MTUS2: variants seen among roughly 807,000 people sequenced by gnomAD.
The protein encoded by MTUS2 is microtubule-associated tumor suppressor candidate 2.
MTUS2 carries 40 observed loss-of-function variants against 114.1 expected under a neutral mutation model. That is an observed-to-expected ratio of 0.35 (90% CI 0.27 to 0.46). MTUS2 has a LOEUF of 0.46. MTUS2 is among the 20% of genes least tolerant of loss of function. The pLI is 1.00. For synonymous variants in MTUS2, 688 were observed against 672.0 expected, an observed-to-expected ratio of 1.02 and a Z score of -0.37; for missense variants, 1,679 against 1,705.4, an observed-to-expected ratio of 0.98 and a Z score of 0.27.
intron 8 of MTUS2, among the ~76,000 whole-genome samples, chr13:29,393,512 A>T (rs1315311344): frequency 1.3e-5 from 2 of 152,208 alleles, no homozygotes; most frequent in Non-Finnish European, 1.5e-5. Context: ...CCCCAGCAAG[A>T]TGCTGAGTCC....
At position 29,492,659 on chromosome 13, in the gene MTUS2, TC is replaced by T; in HGVS notation, c.3520del (p.His1174MetfsTer26). On this transcript the variant is annotated frameshift_variant, in exon 12 of 16. Transcript: ENST00000612955. LOFTEE classifies it high-confidence loss of function. Reference protein sequence around the residue: ...DHKVQELMSTHELEKKELEEN... With the variant: ...DHKVQELMSTXELEKKELEEN... The stretch of plus-strand genomic sequence containing the variant: ...TCTTCTTTCCAGAATTGATGTCCAC[TC>T]ATGAGCTTGAAAAGAAAGAATTGGA... The T allele has an allele frequency of 6.2e-7, 1 of 1,613,520 alleles. No homozygotes were observed. The highest frequency in any genetic ancestry group is 8.5e-7 in the Non-Finnish European group (1 of 1,179,490).
At chr13:29,392,598 G>A (rs1343006350) in intron 8 of MTUS2, among the ~76,000 whole-genome samples, 3 of 152,206 alleles carry the variant, frequency 2.0e-5, no homozygotes, top group African/African-American at 7.2e-5. Context: ...ACTTTCTGGT[G>A]TATATTTATA....
chr13:29,124,033 T>G (rs191357740), intron 5 of MTUS2, among the ~76,000 whole-genome samples: 6 of 152,360 alleles, frequency 3.9e-5, no homozygotes, highest in Admixed American at 2.0e-4. Flanking sequence ...ATTCTCTCCC[T>G]TGTTAATAAG....
intron 5 of MTUS2, among the ~76,000 whole-genome samples, chr13:29,168,917 T>TGTGTGTGTGTGTGTGTGTGTGTGA (rs1200390555): frequency 6.6e-6 from 1 of 151,810 alleles, no homozygotes; most frequent in South Asian, 2.1e-4. Context: ...TGTGTGTGTG[T>TGTGTGTGTGTGTGTGTGTGTGTGA]GAAGAATATG....
chr13:29,040,195 A>G (rs1478830338), intron 4 of MTUS2, among the ~76,000 whole-genome samples: 7 of 152,158 alleles, frequency 4.6e-5, no homozygotes, highest in Non-Finnish European at 1.0e-4. Flanking sequence ...CTTAGCTCCC[A>G]CTTATGCGTG....
intron 8 of MTUS2, among the ~76,000 whole-genome samples, chr13:29,405,833 C>T (rs943664836): frequency 1.3e-5 from 2 of 151,644 alleles, no homozygotes; most frequent in Non-Finnish European, 2.9e-5. Context: ...CTCCGCCTCC[C>T]GGGTTTAAGC....
intron 2 of MTUS2, among the ~76,000 whole-genome samples, chr13:28,868,488 T>C (rs182055316): frequency 1.3e-5 from 2 of 152,278 alleles, no homozygotes; most frequent in Admixed American, 1.3e-4. Context: ...TGTGTCTGTT[T>C]ATGGTGCTCC....
intron 4 of MTUS2, among the ~76,000 whole-genome samples, chr13:29,092,182 C>T (rs996033588): frequency 2.6e-5 from 4 of 152,224 alleles, no homozygotes; most frequent in African/African-American, 9.6e-5. Flanking sequence ...ACAAGTCAAA[C>T]CCATGGAATG....
chr13:29,457,014 A>G (rs34444237), intron 9 of MTUS2, among the ~76,000 whole-genome samples: 1,567 of 151,758 alleles, frequency 0.01, 17 homozygotes, highest in African/African-American at 0.03. Context: ...GCATGGTGGC[A>G]GGCACCTGTA....
intron 7 of MTUS2, among the ~76,000 whole-genome samples, chr13:29,325,719 G>A (rs147943803): frequency 4.6e-5 from 7 of 152,300 alleles, no homozygotes; most frequent in African/African-American, 1.7e-4. Flanking sequence ...AGCTCTAACT[G>A]CATGCCAGGT....
chr13:28,984,840 A>G (rs1884508713), intron 2 of MTUS2, among the ~76,000 whole-genome samples: 1 of 152,234 alleles, frequency 6.6e-6, no homozygotes, highest in South Asian at 2.1e-4. Context: ...GGGCATTCAC[A>G]CTAAATGAGA....
chr13:29,017,363 C>CT (rs1408971837), intron 2 of MTUS2, among the ~76,000 whole-genome samples: 2 of 152,154 alleles, frequency 1.3e-5, no homozygotes, highest in Non-Finnish European at 2.9e-5. Flanking sequence ...GTCAGATGAA[C>CT]TTGCATTTAC....
At chr13:28,996,422 T>C (rs1438081925) in intron 2 of MTUS2, among the ~76,000 whole-genome samples, 1 of 152,202 alleles carries the variant, frequency 6.6e-6, no homozygotes, top group Admixed American at 6.5e-5. Context: ...TAAAATGAGT[T>C]AGGGAGGATT....
At chr13:28,936,304 T>A (rs755273522) in intron 2 of MTUS2, among the ~76,000 whole-genome samples, 1 of 152,216 alleles carries the variant, frequency 6.6e-6, no homozygotes, top group Non-Finnish European at 1.5e-5. Context: ...ATAAGTTTTC[T>A]TCCTTTTACA....
intron 4 of MTUS2, among the ~76,000 whole-genome samples, chr13:29,087,531 A>G (rs1367348304): frequency 2.0e-5 from 3 of 152,220 alleles, no homozygotes; most frequent in East Asian, 3.9e-4. Flanking sequence ...TTTTGCATCT[A>G]TGTTCATCAG....
At chr13:28,825,891 C>T (rs1874236917) in intron 1 of MTUS2, among the ~76,000 whole-genome samples, 1 of 152,086 alleles carries the variant, frequency 6.6e-6, no homozygotes, top group Non-Finnish European at 1.5e-5. Context: ...GGGGAGGTGG[C>T]ATTTATAGGA....
chr13:29,295,742 C>T (rs930872387), intron 6 of MTUS2, among the ~76,000 whole-genome samples: 1 of 152,194 alleles, frequency 6.6e-6, no homozygotes, highest in Non-Finnish European at 1.5e-5. Flanking sequence ...CAACAGTTCC[C>T]CATGGCTGGG....
chr13:29,039,353 A>G (rs1238796167), intron 4 of MTUS2, among the ~76,000 whole-genome samples: 1 of 152,208 alleles, frequency 6.6e-6, no homozygotes, highest in East Asian at 1.9e-4. Context: ...CTTGGTGACC[A>G]TTGGAATCAG....
rs1489411735 is a variant in MTUS2 at position 28,827,666 on chromosome 13, A to G, written c.-316+7055A>G. Among the ~76,000 whole-genome samples the G allele has an allele frequency of 3.3e-5, 5 of 152,310 alleles. No homozygotes were observed. The South Asian group carries it at 8.3e-4, about 25-fold the overall frequency. Reference sequence around the variant, plus strand: ...CTAAGTATTGGCCGGTCTGAGAAATAAAGGGAAATAGTACAAAAGAGAGAA... The same window carrying G: ...CTAAGTATTGGCCGGTCTGAGAAATGAAGGGAAATAGTACAAAAGAGAGAA... On this transcript the variant is annotated intron_variant, in intron 1 of 15. Coordinates refer to ENST00000612955, the MANE Select transcript of MTUS2 (RefSeq NM_001033602.4).
Sources: gnomAD v4.1 joint callset for allele counts (sites outside exome capture counted in the v4.1 genomes callset) on GRCh38, gnomAD v4.1.1 for gene constraint, MANE v1.5 for transcripts, NCBI Gene and HGNC (gene_info 2026-07-23, HGNC 2026-07-21) for gene names.